Variants in TNR observed in about 807,000 individuals in gnomAD.
TNR encodes tenascin R, also known as tenascin-R.
TNR carries 45 observed loss-of-function variants against 150.4 expected under a neutral mutation model. That is an observed-to-expected ratio of 0.30 (90% CI 0.24 to 0.38). The LOEUF (loss-of-function observed/expected upper bound fraction) is 0.38, where lower values mean the gene tolerates loss of function less well. Ranked by LOEUF, TNR falls within the 10% of genes least tolerant of loss-of-function variation. The pLI, the probability that TNR is intolerant of heterozygous loss-of-function variation, is 1.00. For synonymous variants in TNR, 687 were observed against 678.4 expected (o/e 1.01, Z -0.20); for missense variants, 1,544 against 1,759.1 (o/e 0.88, Z 2.19).
intron 2 of TNR, among the ~76,000 whole-genome samples, chr1:175,423,510 C>T (rs1031871669): frequency 4.6e-5 from 7 of 152,158 alleles, no homozygotes; most frequent in Non-Finnish European, 1.0e-4. Context: ...GTCAACCCTG[C>T]TTTCCAGAGT....
At chr1:175,620,412 T>G (rs539594620) in intron 1 of TNR, among the ~76,000 whole-genome samples, 53 of 152,140 alleles carry the variant, frequency 3.5e-4, no homozygotes, top group Admixed American at 1.4e-3. Flanking sequence ...GGTAGGAAAA[T>G]TTTGACCCAG....
intron 2 of TNR, among the ~76,000 whole-genome samples, chr1:175,526,088 G>T (rs1659839153): frequency 1.3e-5 from 2 of 151,958 alleles, no homozygotes; most frequent in South Asian, 4.2e-4. Flanking sequence ...AAGTTGAAAG[G>T]CTATATCTAT....
chr1:175,437,801 A>G (rs1193288622), intron 2 of TNR, among the ~76,000 whole-genome samples: 1 of 152,210 alleles, frequency 6.6e-6, no homozygotes, highest in African/African-American at 2.4e-5. Context: ...ATTCCTCGAC[A>G]CATACACCCT....
At chr1:175,376,298 G>A (rs965922842) in intron 9 of TNR, among the ~76,000 whole-genome samples, 2 of 152,172 alleles carry the variant, frequency 1.3e-5, no homozygotes, top group Non-Finnish European at 2.9e-5. Context: ...CACTTACTGA[G>A]TAGTTTGTTG....
chr1:175,426,556 C>T (rs1265609809), intron 2 of TNR, among the ~76,000 whole-genome samples: 1 of 151,932 alleles, frequency 6.6e-6, no homozygotes, highest in African/African-American at 2.4e-5. Flanking sequence ...TCTGAATCTC[C>T]CTAGTCAGAT....
chr1:175,363,767 G>T lies in TNR; in HGVS notation c.2648C>A (p.Ser883Tyr), dbSNP rs777629626. 1 of 1,613,942 alleles carries T rather than the reference G, an allele frequency of 6.2e-7. No individual in the cohort carries two copies. Among genetic ancestry groups the T allele is most frequent in the South Asian group, 1.1e-5 (1 of 91,032 alleles). The change falls in exon 13 of 23, where the codon TCC (serine) becomes TAC (tyrosine). Residue 883 changes from serine (S) to tyrosine (Y), a missense_variant. Physicochemically the swap from Ser to Tyr is moderately radical, Grantham distance 144. Coordinates refer to ENST00000367674, the MANE Select transcript of TNR (RefSeq NM_003285.3). ...SNVTKDSVMV[S>Y]WSPPVASFDY... Reference sequence around the variant, plus strand: ...GAAAGATGCAACAGGAGGGCTCCAGGAGACCATCACTGAGTCCTTGGTCAC... The same window carrying T: ...GAAAGATGCAACAGGAGGGCTCCAGTAGACCATCACTGAGTCCTTGGTCAC...
intron 15 of TNR, among the ~76,000 whole-genome samples, chr1:175,358,104 T>C (rs2102007916): frequency 6.6e-6 from 1 of 152,244 alleles, no homozygotes; most frequent in African/African-American, 2.4e-5. Flanking sequence ...CATGGAGGCT[T>C]GAGAAAGCAT....
chr1:175,459,888 AGAGT>A (rs1656740140), intron 2 of TNR, among the ~76,000 whole-genome samples: 1 of 139,274 alleles, frequency 7.2e-6, no homozygotes, highest in South Asian at 2.3e-4. Context: ...AGAGAGAGAG[AGAGT>A]AGAAATGAAT....
chr1:175,609,591 C>T lies in TNR; in HGVS notation c.-164-81222G>A, dbSNP rs571192312. Reference sequence around the variant, plus strand: ...ATCCTTAGGGGGCACCCTGCAGATGCCCCTGTACTCTTGGACTTGGTTTTG... The same window carrying T: ...ATCCTTAGGGGGCACCCTGCAGATGTCCCTGTACTCTTGGACTTGGTTTTG... On this transcript the variant is annotated intron_variant, in intron 1 of 22. Transcript: ENST00000367674. Among the ~76,000 whole-genome samples the T allele has an allele frequency of 2.0e-5, 3 of 152,274 alleles. No homozygotes were observed. In the East Asian group the frequency reaches 5.8e-4, roughly 29 times the overall value.
At chr1:175,412,764 T>C (rs930255733) in intron 2 of TNR, among the ~76,000 whole-genome samples, 1 of 152,174 alleles carries the variant, frequency 6.6e-6, no homozygotes, top group African/African-American at 2.4e-5. Flanking sequence ...AGAAAGAAGA[T>C]AGAATGAATG....
At position 175,608,010 on chromosome 1, in the gene TNR, C is replaced by G. The variant is rs979956794; in HGVS notation, c.-164-79641G>C. On this transcript the variant is annotated intron_variant, in intron 1 of 22. Transcript: ENST00000367674. ...ACAGCAGAGGCTTTCTGACCTACAG[C>G]CACTGTGCCTCACTAGGAAGAGGCA... is the stretch of plus-strand genomic sequence containing the variant. 5.9e-5 allele frequency among the ~76,000 whole-genome samples: 9 copies of G among 152,348 alleles called. No homozygotes were observed. In the East Asian group the frequency reaches 1.7e-3, roughly 29 times the overall value.
intron 12 of TNR, 27 bp downstream of exon 12, chr1:175,364,983 A>T (rs912599186): frequency 1.9e-6 from 3 of 1,575,242 alleles, no homozygotes; most frequent in Non-Finnish European, 2.6e-6. Context: ...CCCTTTCATC[A>T]CCTGCTGCCA....
chr1:175,563,542 C>T (rs1321077904), intron 1 of TNR, among the ~76,000 whole-genome samples: 1 of 152,204 alleles, frequency 6.6e-6, no homozygotes, highest in African/African-American at 2.4e-5. Flanking sequence ...TGCTTAGCCT[C>T]CTCAATGTCC....
intron 1 of TNR, among the ~76,000 whole-genome samples, chr1:175,665,058 T>C (rs942825024): frequency 3.4e-4 from 52 of 152,216 alleles, no homozygotes; most frequent in African/African-American, 1.2e-3. Context: ...AACGTTCACA[T>C]GAGCAGTAAT....
intron 1 of TNR, among the ~76,000 whole-genome samples, chr1:175,530,240 C>T (rs1406408003): frequency 6.6e-6 from 1 of 152,168 alleles, no homozygotes; most frequent in African/African-American, 2.4e-5. Context: ...CTCCTGAGGG[C>T]TACGGCACCT....
chr1:175,739,525 C>T (rs1203268879), intron 1 of TNR, among the ~76,000 whole-genome samples: 1 of 152,106 alleles, frequency 6.6e-6, no homozygotes, highest in Non-Finnish European at 1.5e-5. Context: ...CACGCACACA[C>T]ACACACATTC....
chr1:175,444,435 A>G (rs1351105179), intron 2 of TNR, among the ~76,000 whole-genome samples: 1 of 152,230 alleles, frequency 6.6e-6, no homozygotes, highest in Non-Finnish European at 1.5e-5. Context: ...TGACAGGTAC[A>G]GGAAGTGTGG....
In TNR at chr1:175,727,585, C is replaced by T. The variant is rs1667514292; in HGVS notation, c.-165+15641G>A. On this transcript the variant is annotated intron_variant, in intron 1 of 22. Coordinates refer to ENST00000367674, the MANE Select transcript of TNR (RefSeq NM_003285.3). ...TTTCTCAAGGTAGGAGATATCAGAA[C>T]ACATTTCTATGCTTACAGAAAAATA... Among the ~76,000 whole-genome samples, 3 of 152,144 alleles carry T rather than the reference C, an allele frequency of 2.0e-5. No individual in the cohort carries two copies. The South Asian group carries it at 6.2e-4, about 32-fold the overall frequency.
In TNR at chr1:175,498,643, T is replaced by C. The variant is rs1437957687; in HGVS notation, c.-64+29626A>G. Among the ~76,000 whole-genome samples, 3 of 152,152 alleles carry C rather than the reference T, an allele frequency of 2.0e-5. 1 individual carries two copies. Among genetic ancestry groups the C allele is most frequent in the Admixed American group, 6.5e-5 (1 of 15,268 alleles). ...TTCTTCCTAGCATAGGCAGAAAAGG[T>C]CCATGCCCTAGTTTGAAGTTAAGCA... On this transcript the variant is annotated intron_variant, in intron 2 of 22. Transcript: ENST00000367674.
Sources: gnomAD v4.1 joint callset for allele counts (sites outside exome capture counted in the v4.1 genomes callset) on GRCh38, gnomAD v4.1.1 for gene constraint, MANE v1.5 for transcripts, NCBI Gene and HGNC (gene_info 2026-07-23, HGNC 2026-07-21) for gene names.